PCDHGA1: variants seen among roughly 807,000 people sequenced by gnomAD.
PCDHGA1 encodes the protein protocadherin gamma subfamily A, 1, also known as protocadherin gamma-A1.
PCDHGA1 carries 32 observed loss-of-function variants against 58.0 expected under a neutral mutation model. The observed-to-expected ratio is 0.55, with a 90% confidence interval of 0.42 to 0.74. The LOEUF is 0.74. Ranked by LOEUF, PCDHGA1 falls within the 30% of genes least tolerant of loss-of-function variation. The pLI is 0.00. For missense variants in PCDHGA1, 1,205 were observed against 1,182.3 expected, an observed-to-expected ratio of 1.02 and a Z score of -0.28; for synonymous variants, 498 against 501.1, an observed-to-expected ratio of 0.99 and a Z score of 0.08.
At chr5:141,393,976 A>G in intron 1 of PCDHGA1, 1 of 1,613,856 alleles carries the variant, frequency 6.2e-7, no homozygotes, top group Non-Finnish European at 8.5e-7. Flanking sequence ...TACACACGTG[A>G]TAATTTACCT....
intron 1 of PCDHGA1, chr5:141,441,751 A>G (rs946329290): frequency 5.3e-6 from 2 of 378,094 alleles, no homozygotes; most frequent in African/African-American, 2.2e-5. Flanking sequence ...CTCGGCGTCA[A>G]CGTGAGCCTG....
At chr5:141,352,816 C>A in intron 1 of PCDHGA1, 1 of 816,730 alleles carries the variant, frequency 1.2e-6, no homozygotes, top group Non-Finnish European at 1.9e-6. Context: ...ATGGTAAAAC[C>A]CGGTCTACTA....
intron 1 of PCDHGA1, among the ~76,000 whole-genome samples, chr5:141,467,395 G>A (rs1197131223): frequency 6.6e-6 from 1 of 152,056 alleles, no homozygotes; most frequent in African/African-American, 2.4e-5. Flanking sequence ...TTAAGTCATA[G>A]TTAGAAAGCC....
rs1756356983 is a variant in PCDHGA1, at chr5:141,331,437, C to T, written c.753C>T (p.Val251=). Reference sequence around the variant, plus strand: ...CTCAGGCACAATACCATATAAATGTCCCCGAAAACGTGCCGCTGGGTACTC... The same window carrying T: ...CTCAGGCACAATACCATATAAATGTTCCCGAAAACGTGCCGCTGGGTACTC... ...AFTQAQYHIN[V]PENVPLGTQL... Residue 251 remains valine (V), a synonymous_variant, in exon 1 of 4, where the codon GTC becomes GTT. Coordinates refer to ENST00000517417, the MANE Select transcript of PCDHGA1 (RefSeq NM_018912.3). The T allele has an allele frequency of 1.2e-6, 2 of 1,614,018 alleles. No individual in the cohort carries two copies. Among genetic ancestry groups the T allele is most frequent in the South Asian group, 1.1e-5 (1 of 91,082 alleles).
intron 1 of PCDHGA1, chr5:141,427,864 A>G: frequency 6.4e-7 from 1 of 1,557,574 alleles, no homozygotes; most frequent in Non-Finnish European, 8.8e-7. Flanking sequence ...TGCGCCTTCG[A>G]GCTCACGATG....
At chr5:141,384,661 G>C (rs777530436) in intron 1 of PCDHGA1, 1 of 1,614,226 alleles carries the variant, frequency 6.2e-7, no homozygotes. Context: ...CGGCTACCTG[G>C]TGACCAAGGT....
chr5:141,425,714 A>G (rs1259037833), intron 1 of PCDHGA1, among the ~76,000 whole-genome samples: 1 of 152,218 alleles, frequency 6.6e-6, no homozygotes, highest in African/African-American at 2.4e-5. Context: ...AAATTTTCCC[A>G]TACCACTTGA....
At chr5:141,376,323 G>T in intron 1 of PCDHGA1, 1 of 1,614,162 alleles carries the variant, frequency 6.2e-7, no homozygotes, top group South Asian at 1.1e-5. Flanking sequence ...GAAGGGGTTC[G>T]GGCTTTCCTG....
chr5:141,355,488 C>T, intron 1 of PCDHGA1: 1 of 1,614,004 alleles, frequency 6.2e-7, no homozygotes, highest in South Asian at 1.1e-5. Context: ...AGGAGCTCTG[C>T]GACAGATCTC....
intron 1 of PCDHGA1, chr5:141,352,716 G>A (rs1371828196): frequency 1.3e-6 from 2 of 1,538,844 alleles, no homozygotes; most frequent in African/African-American, 1.4e-5. Context: ...GCGGCCGGGC[G>A]CGGTGGCTCA....
At chr5:141,376,354 C>G in intron 1 of PCDHGA1, 1 of 1,614,208 alleles carries the variant, frequency 6.2e-7, no homozygotes, top group South Asian at 1.1e-5. Context: ...CCCACGAGGT[C>G]TCACTCACTG....
At chr5:141,409,988 GC>G in intron 1 of PCDHGA1, 1 of 1,613,278 alleles carries the variant, frequency 6.2e-7, no homozygotes, top group Non-Finnish European at 8.5e-7. Flanking sequence ...AGCGGTGGAC[GC>G]CGACTCGGGA....
intron 2 of PCDHGA1, among the ~76,000 whole-genome samples, chr5:141,500,900 C>T (rs1309164700): frequency 4.0e-5 from 6 of 150,642 alleles, no homozygotes; most frequent in South Asian, 2.1e-4. Flanking sequence ...GAGACAGTCT[C>T]GCTCTGTCTC....
At chr5:141,345,471 G>C (rs1757578653) in intron 1 of PCDHGA1, 1 of 1,614,120 alleles carries the variant, frequency 6.2e-7, no homozygotes, top group African/African-American at 1.3e-5. Context: ...CCAGGACCCA[G>C]ATAGCAACAA....
chr5:141,421,130 A>G, intron 1 of PCDHGA1: 1 of 827,800 alleles, frequency 1.2e-6, no homozygotes, highest in South Asian at 1.8e-5. Context: ...GCTTTCTGAT[A>G]TATTTTGGAT....
In PCDHGA1 at chr5:141,382,630, A is replaced by G. The variant is rs142649877; in HGVS notation, c.2421+49525A>G. ...TGAAATCAGTGTATTGTGTGCATCA[A>G]TGTGGTGCAGTAACTTAGTAAGGAC... On this transcript the variant is annotated intron_variant, in intron 1 of 3. Coordinates refer to ENST00000517417, the MANE Select transcript of PCDHGA1 (RefSeq NM_018912.3). The G allele has an allele frequency of 1.3e-4, 49 of 364,976 alleles. 1 individual carries two copies. Among genetic ancestry groups the G allele is most frequent in the Middle Eastern group, 7.2e-4 (1 of 1,388 alleles). 22.6% of individuals were successfully genotyped at this position (364,976 alleles called of 1,614,324 possible). A position where few individuals can be genotyped will look rare whatever the true frequency, so the allele number is the denominator to read the frequency against.
At position 141,447,667 on chromosome 5, in the gene PCDHGA1, G is replaced by A. The variant is rs115529144; in HGVS notation, c.2422-47140G>A. 2.4e-3 allele frequency among the ~76,000 whole-genome samples: 372 copies of A among 152,278 alleles called. 2 individuals are homozygous for A. Among genetic ancestry groups the A allele is most frequent in the African/African-American group, 8.6e-3 (358 of 41,546 alleles). The stretch of plus-strand genomic sequence containing the variant: ...TAGAATTTTCCCCCCCAGGAAGTTA[G>A]AACTGTTCCATATCTTGATAGAGGG... On this transcript the variant is annotated intron_variant, in intron 1 of 3. Transcript: ENST00000517417.
chr5:141,491,199 C>T lies in PCDHGA1; in HGVS notation c.2422-3608C>T. ...TGGTCCTGGTGAGGGACAATGGTGA[C>T]CCTTCACTCTCCTCCACAGCCACAG... On this transcript the variant is annotated intron_variant, in intron 1 of 3. Coordinates refer to ENST00000517417, the MANE Select transcript of PCDHGA1 (RefSeq NM_018912.3). The surrounding 1 kb of genome is among the most constrained non-coding windows in gnomAD (Gnocchi z 6.9). 1 of 1,614,190 alleles carries T rather than the reference C, an allele frequency of 6.2e-7. No homozygotes were observed. Among genetic ancestry groups the T allele is most frequent in the South Asian group, 1.1e-5 (1 of 91,086 alleles).
chr5:141,473,274 TA>T (rs2099318463), intron 1 of PCDHGA1, among the ~76,000 whole-genome samples: 1 of 152,210 alleles, frequency 6.6e-6, no homozygotes, highest in South Asian at 2.1e-4. Context: ...ATGCTATGAT[TA>T]TTTTACTATG....
Sources: gnomAD v4.1 joint callset for allele counts (sites outside exome capture counted in the v4.1 genomes callset) on GRCh38, gnomAD v4.1.1 for gene constraint, Gnocchi (gnomAD v3.1) non-coding constraint, MANE v1.5 for transcripts, NCBI Gene and HGNC (gene_info 2026-07-23, HGNC 2026-07-21) for gene names.